The following STK3 variants were observed in gnomAD, a reference collection of about 807,000 sequenced individuals.
The protein encoded by STK3 is serine/threonine-protein kinase 3.
STK3 carries 41 observed loss-of-function variants against 58.0 expected under a neutral mutation model. That is an observed-to-expected ratio of 0.71 (90% confidence interval 0.55 to 0.92). STK3 has a LOEUF of 0.92. Ranked by LOEUF, STK3 falls within the 40% of genes least tolerant of loss-of-function variation. The pLI is 0.00. For synonymous variants in STK3, 170 were observed against 191.0 expected (o/e 0.89, Z 0.91); for missense variants, 479 against 602.7 (o/e 0.79, Z 2.15).
intron 10 of STK3, among the ~76,000 whole-genome samples, chr8:98,488,539 C>T (rs1822447323): frequency 6.6e-6 from 1 of 152,110 alleles, no homozygotes; most frequent in African/African-American, 2.4e-5. Flanking sequence ...ATGTTATAAG[C>T]CAATGCTAAT....
At chr8:98,908,987 C>T (rs1451414965) in intron 1 of STK3, among the ~76,000 whole-genome samples, 1 of 151,986 alleles carries the variant, frequency 6.6e-6, no homozygotes, top group African/African-American at 2.4e-5. Context: ...GAAACCCTGT[C>T]TCTACTAAAA....
chr8:98,384,220 C>T (rs148122809), intron 1 of STK3, among the ~76,000 whole-genome samples: 124 of 152,290 alleles, frequency 8.1e-4, no homozygotes, highest in Non-Finnish European at 1.4e-3. Flanking sequence ...ACAGGCCAAT[C>T]CTTCATAAGG....
chr8:98,738,896 C>T (rs1232294993), intron 4 of STK3, among the ~76,000 whole-genome samples: 8 of 152,240 alleles, frequency 5.3e-5, no homozygotes, highest in South Asian at 2.1e-4. Context: ...CCGAATACTG[C>T]GCTTTTCCGA....
chr8:98,712,545 A>G (rs1375583025), intron 4 of STK3, among the ~76,000 whole-genome samples: 1 of 151,550 alleles, frequency 6.6e-6, no homozygotes, highest in Non-Finnish European at 1.5e-5. Flanking sequence ...GAAGGCCATT[A>G]CATAATGGTA....
chr8:98,548,227 A>T (rs1810881836), intron 8 of STK3, 66 bp from the exon 9 acceptor site: 1 of 1,239,468 alleles, frequency 8.1e-7, no homozygotes, highest in African/African-American at 1.6e-5. Flanking sequence ...AATTCTTAAC[A>T]AGAGAATGAA....
rs116860054 is a variant in STK3 at position 98,819,232 on chromosome 8, C to T, written c.26+6283G>A. Reference sequence around the variant, plus strand: ...CTCCTGAGCTCAAGCAATTGTCCCACCTCTACCTCCCATTTATGTAAATGT... The same window carrying T: ...CTCCTGAGCTCAAGCAATTGTCCCATCTCTACCTCCCATTTATGTAAATGT... On this transcript the variant is annotated intron_variant, in intron 1 of 10. Transcript: ENST00000419617. 4.4e-4 allele frequency among the ~76,000 whole-genome samples: 67 copies of T among 152,244 alleles called. No individual in the cohort carries two copies. The East Asian group carries it at 0.013, about 28-fold the overall frequency.
intron 6 of STK3, among the ~76,000 whole-genome samples, chr8:98,650,008 T>C (rs1326769726): frequency 1.3e-5 from 2 of 152,198 alleles, no homozygotes; most frequent in East Asian, 3.8e-4. Context: ...TTGATTACTT[T>C]TTCCAATTTT....
intron 3 of STK3, among the ~76,000 whole-genome samples, chr8:98,410,091 A>T (rs1459267815): frequency 1.3e-5 from 2 of 152,222 alleles, no homozygotes; most frequent in Non-Finnish European, 2.9e-5. Flanking sequence ...AAAACCAAGG[A>T]TCTAGAGATA....
At chr8:98,747,942 CAA>C (rs1181780457) in intron 4 of STK3, among the ~76,000 whole-genome samples, 1 of 152,240 alleles carries the variant, frequency 6.6e-6, no homozygotes, top group East Asian at 1.9e-4. Context: ...TGATAACTGA[CAA>C]AGAGTTTTCT....
rs532658870 is a variant in STK3, at chr8:98,635,788, A to G, written c.685-39619T>C. Among the ~76,000 whole-genome samples, 3 of 152,294 alleles carry G rather than the reference A, an allele frequency of 2.0e-5. No homozygotes were observed. In the South Asian group the frequency reaches 6.2e-4, roughly 32 times the overall value. ...ATAGTTCTCATCTATATAAATATGT[A>G]CATATAATAATTGTTCTTAAATTTT... On this transcript the variant is annotated intron_variant, in intron 6 of 10. Transcript: ENST00000419617.
At chr8:98,522,244 T>G (rs1825418636) in intron 10 of STK3, among the ~76,000 whole-genome samples, 1 of 152,184 alleles carries the variant, frequency 6.6e-6, no homozygotes, top group Non-Finnish European at 1.5e-5. Flanking sequence ...AATCTGAAAG[T>G]AGAGTACTGC....
intron 6 of STK3, among the ~76,000 whole-genome samples, chr8:98,612,468 T>G (rs577147514): frequency 5.1e-4 from 76 of 148,844 alleles, no homozygotes; most frequent in Admixed American, 1.9e-3. Flanking sequence ...CCCATATATA[T>G]AGAGAGATTC....
At chr8:98,886,026 G>A (rs868555588) in intron 1 of STK3, among the ~76,000 whole-genome samples, 10 of 152,212 alleles carry the variant, frequency 6.6e-5, no homozygotes, top group Admixed American at 2.6e-4. Context: ...ATAGAGAACA[G>A]ATTAGTGATT....
chr8:98,432,255 G>A (rs1818345850), intron 3 of STK3: 1 of 166,934 alleles, frequency 6.0e-6, no homozygotes, highest in African/African-American at 2.4e-5. Flanking sequence ...ACCTCCTTTA[G>A]GGGGACAGAG....
At chr8:98,941,467 G>T (rs551068817) in intron 1 of STK3, among the ~76,000 whole-genome samples, 1 of 152,260 alleles carries the variant, frequency 6.6e-6, no homozygotes, top group Non-Finnish European at 1.5e-5. Context: ...GAAGGGAGGC[G>T]AGTCCCCGGA....
intron 6 of STK3, among the ~76,000 whole-genome samples, chr8:98,696,205 T>C (rs901763259): frequency 5.9e-5 from 9 of 152,352 alleles, no homozygotes; most frequent in Admixed American, 3.9e-4. Flanking sequence ...CACATTGATT[T>C]TGTATCCTGA....
chr8:98,426,661 C>G (rs1189131158), intron 3 of STK3, among the ~76,000 whole-genome samples: 1 of 152,226 alleles, frequency 6.6e-6, no homozygotes, highest in Non-Finnish European at 1.5e-5. Flanking sequence ...TCCTCCGGTC[C>G]CGCCCTGTCC....
chr8:98,846,186 T>G (rs892930086), intron 3 of STK3, among the ~76,000 whole-genome samples: 22 of 152,210 alleles, frequency 1.4e-4, no homozygotes, highest in Admixed American at 6.5e-4. Flanking sequence ...CTATGGGTAA[T>G]GTAGACTTCC....
intron 3 of STK3, among the ~76,000 whole-genome samples, chr8:98,750,580 G>A (rs896286411): frequency 2.0e-5 from 3 of 151,462 alleles, no homozygotes; most frequent in Non-Finnish European, 1.5e-5. Context: ...TTTTAGCTAT[G>A]CTCTAACACT....
Sources: allele counts gnomAD v4.1 joint callset (sites outside exome capture counted in the v4.1 genomes callset), GRCh38; gene constraint gnomAD v4.1.1; transcripts MANE v1.5; gene names NCBI Gene and HGNC (gene_info 2026-07-23, HGNC 2026-07-21).